The following SYNPR variants were observed in gnomAD, a reference collection of about 807,000 sequenced individuals.
SYNPR encodes synaptoporin.
SYNPR carries 23 observed loss-of-function variants against 32.9 expected under a neutral mutation model. That is an observed-to-expected ratio of 0.70 (90% CI 0.50 to 0.99). The LOEUF is 0.99. Among genes scored for constraint, SYNPR ranks in the 50% least tolerant of loss-of-function variants. The probability of loss-of-function intolerance (pLI) is 0.00; values close to 1 mark genes in which losing one functional copy is unlikely to be tolerated. For synonymous variants in SYNPR, 146 were observed against 135.9 expected (o/e 1.07, Z -0.52); for missense variants, 318 against 349.3 (o/e 0.91, Z 0.71).
At chr3:63,480,731 A>G in intron 2 of SYNPR, 101 bp from the exon 3 acceptor site, 1 of 1,442,918 alleles carries the variant, frequency 6.9e-7, no homozygotes, top group Non-Finnish European at 9.3e-7. Flanking sequence ...CAGAAGGACC[A>G]TAAATTCCCT....
chr3:63,437,723 G>A (rs1700110343), intron 2 of SYNPR, among the ~76,000 whole-genome samples: 1 of 151,964 alleles, frequency 6.6e-6, no homozygotes, highest in African/African-American at 2.4e-5. Flanking sequence ...TATGGAGAGG[G>A]CCACTTCACA....
intron 2 of SYNPR, among the ~76,000 whole-genome samples, chr3:63,334,119 C>A (rs2087259476): frequency 6.6e-6 from 1 of 152,192 alleles, no homozygotes; most frequent in Admixed American, 6.5e-5. Context: ...ATGAGCAGGG[C>A]AGGACTATAT....
chr3:63,332,775 G>C (rs1361596425), intron 2 of SYNPR, among the ~76,000 whole-genome samples: 1 of 152,122 alleles, frequency 6.6e-6, no homozygotes, highest in Non-Finnish European at 1.5e-5. Flanking sequence ...ACGCATCAAG[G>C]ATCTGAATTC....
intron 3 of SYNPR, among the ~76,000 whole-genome samples, chr3:63,555,703 A>AT (rs1425719345): frequency 4.6e-5 from 7 of 152,300 alleles, no homozygotes; most frequent in Non-Finnish European, 7.4e-5. Context: ...ATGTGCATTC[A>AT]TTTATCCAAG....
intron 2 of SYNPR, among the ~76,000 whole-genome samples, chr3:63,442,033 C>T (rs756802113): frequency 1.3e-5 from 2 of 152,146 alleles, no homozygotes; most frequent in African/African-American, 4.8e-5. Flanking sequence ...CCTGACTCCT[C>T]GTTATGGTTT....
intron 2 of SYNPR, among the ~76,000 whole-genome samples, chr3:63,282,523 A>G (rs1315864369): frequency 6.6e-6 from 1 of 152,120 alleles, no homozygotes. Context: ...AAAAAAGGAA[A>G]AGAAATTTAA....
At position 63,376,614 on chromosome 3, in the gene SYNPR, C is replaced by A. The variant is rs560971045; in HGVS notation, c.84+97872C>A. ...TCACCCACCTCTCCCAAGATATTCA[C>A]GTGATTGTGAATCATTCTTTCACAG... On this transcript the variant is annotated intron_variant, in intron 2 of 5. Transcript: ENST00000478300. 6.4e-3 allele frequency among the ~76,000 whole-genome samples: 969 copies of A among 152,130 alleles called. 6 individuals carry two copies. The highest frequency in any genetic ancestry group is 0.011 in the Non-Finnish European group (734 of 68,004).
At chr3:63,494,915 C>G (rs1701342985) in intron 3 of SYNPR, among the ~76,000 whole-genome samples, 1 of 152,130 alleles carries the variant, frequency 6.6e-6, no homozygotes, top group Non-Finnish European at 1.5e-5. Flanking sequence ...CATTTATAGC[C>G]TATTCCTCAT....
chr3:63,511,793 T>C (rs1165146157), intron 3 of SYNPR, among the ~76,000 whole-genome samples: 1 of 152,172 alleles, frequency 6.6e-6, no homozygotes, highest in Non-Finnish European at 1.5e-5. Flanking sequence ...GAGAAACTTA[T>C]GAGGTTTCTG....
intron 2 of SYNPR, among the ~76,000 whole-genome samples, chr3:63,401,193 A>G (rs1451755821): frequency 1.3e-5 from 2 of 152,204 alleles, no homozygotes; most frequent in Non-Finnish European, 2.9e-5. Flanking sequence ...GGAAGTCTGC[A>G]GGCAGATTGG....
At chr3:63,588,907 A>G (rs1322350246) in intron 4 of SYNPR, among the ~76,000 whole-genome samples, 1 of 152,104 alleles carries the variant, frequency 6.6e-6, no homozygotes, top group Non-Finnish European at 1.5e-5. Flanking sequence ...ATAGAGAGAC[A>G]ATAGTCTCAG....
intron 4 of SYNPR, among the ~76,000 whole-genome samples, chr3:63,593,485 G>T (rs1235062159): frequency 6.6e-6 from 1 of 152,064 alleles, no homozygotes; most frequent in East Asian, 1.9e-4. Flanking sequence ...AGATGCAGGG[G>T]ATCTAAAAAT....
chr3:63,421,582 T>C (rs958840422), intron 2 of SYNPR, among the ~76,000 whole-genome samples: 1 of 152,208 alleles, frequency 6.6e-6, no homozygotes, highest in African/African-American at 2.4e-5. Context: ...TGTTGCCTTG[T>C]ATATTCATTT....
intron 2 of SYNPR, chr3:63,289,312 A>G (rs2086716479): frequency 6.6e-6 from 1 of 152,266 alleles, no homozygotes; most frequent in Admixed American, 6.5e-5. Flanking sequence ...GTTGCTGTAG[A>G]GGAATACATG....
chr3:63,546,562 G>A (rs951155974), intron 3 of SYNPR, among the ~76,000 whole-genome samples: 1 of 152,104 alleles, frequency 6.6e-6, no homozygotes, highest in Non-Finnish European at 1.5e-5. Flanking sequence ...GTGTAGAAAA[G>A]AGTATTGTTT....
At chr3:63,230,912 T>C (rs568442456) in intron 1 of SYNPR, among the ~76,000 whole-genome samples, 5 of 152,300 alleles carry the variant, frequency 3.3e-5, no homozygotes, top group South Asian at 4.1e-4. Flanking sequence ...CTATATTATA[T>C]ATAAGGAGGA....
chr3:63,377,976 G>C (rs2087916444), intron 2 of SYNPR, among the ~76,000 whole-genome samples: 1 of 151,848 alleles, frequency 6.6e-6, no homozygotes, highest in Non-Finnish European at 1.5e-5. Flanking sequence ...TGAATTTTTA[G>C]TGTTGACCTA....
chr3:63,392,802 A>G (rs865889573), intron 2 of SYNPR, among the ~76,000 whole-genome samples: 10 of 152,226 alleles, frequency 6.6e-5, no homozygotes, highest in African/African-American at 2.4e-4. Flanking sequence ...ACTTTTGTTT[A>G]TACAAGTGAT....
chr3:63,604,590 A>G (rs1217570658), intron 4 of SYNPR, among the ~76,000 whole-genome samples: 2 of 152,232 alleles, frequency 1.3e-5, no homozygotes, highest in Admixed American at 1.3e-4. Flanking sequence ...CCTAGATTCC[A>G]TTATTTACCT....
Sources: gnomAD v4.1 joint callset for allele counts (sites outside exome capture counted in the v4.1 genomes callset) on GRCh38, gnomAD v4.1.1 for gene constraint, MANE v1.5 for transcripts, NCBI Gene and HGNC (gene_info 2026-07-23, HGNC 2026-07-21) for gene names.